Variants in CDON observed in about 807,000 individuals in gnomAD.
CDON encodes cell adhesion associated, oncogene regulated.
Under a neutral mutation model 120.9 loss-of-function variants are expected in CDON, and 73 were observed. The ratio of observed to expected loss-of-function variants is 0.60; its 90% CI spans 0.50 to 0.73. The LOEUF (loss-of-function observed/expected upper bound fraction) is 0.73, where lower values mean the gene tolerates loss of function less well. Ranked by LOEUF, CDON falls within the 30% of genes least tolerant of loss-of-function variation. The pLI is 0.00. For missense variants in CDON, 1,470 were observed against 1,587.3 expected, an observed-to-expected ratio of 0.93 and a Z score of 1.26; for synonymous variants, 566 against 573.5, an observed-to-expected ratio of 0.99 and a Z score of 0.19.
chr11:125,997,976 A>C (rs1946837572), intron 11 of CDON, among the ~76,000 whole-genome samples: 1 of 152,204 alleles, frequency 6.6e-6, no homozygotes, highest in South Asian at 2.1e-4. Context: ...TAAAGGGGAG[A>C]GAGAATGCTG....
chr11:126,035,691 T>C (rs1344334232), intron 1 of CDON, among the ~76,000 whole-genome samples: 1 of 152,186 alleles, frequency 6.6e-6, no homozygotes, highest in Non-Finnish European at 1.5e-5. Flanking sequence ...AATTGGCCTA[T>C]GTCAGGAAAA....
chr11:125,994,160 A>G, intron 14 of CDON, 124 bp downstream of exon 14: 1 of 696,512 alleles, frequency 1.4e-6, no homozygotes, highest in Non-Finnish European at 2.6e-6. Flanking sequence ...GACAAATTCA[A>G]CAGCAATAAC....
intron 15 of CDON, among the ~76,000 whole-genome samples, chr11:125,987,439 T>C (rs1309580660): frequency 6.6e-6 from 1 of 152,178 alleles, no homozygotes; most frequent in Non-Finnish European, 1.5e-5. Context: ...CCTACAGTCA[T>C]TTTTTAAAGG....
At chr11:126,022,174 A>C (rs57547788) in intron 2 of CDON, among the ~76,000 whole-genome samples, 41,097 of 150,746 alleles carry the variant, frequency 0.27, 6,020 homozygotes, top group African/African-American at 0.39. Flanking sequence ...ACTTGGAAGA[A>C]CTGGAAGTTA....
At chr11:125,994,224 T>A (rs764681002) in intron 14 of CDON, 60 bp downstream of exon 14, 3 of 860,636 alleles carry the variant, frequency 3.5e-6, no homozygotes, top group Non-Finnish European at 6.0e-6. Context: ...CATTTTATAT[T>A]CATAAACCTT....
chr11:125,976,103 C>T (rs75493263), intron 18 of CDON, among the ~76,000 whole-genome samples: 5,516 of 152,250 alleles, frequency 0.036, 297 homozygotes, highest in African/African-American at 0.12. Context: ...GAGTAAACCA[C>T]GTATCATCTA....
rs536448186 is a variant in CDON, at chr11:126,015,767, C to T, written c.929-257G>A. ...CCCACTTAACTCCCCACAACATACG[C>T]GAATACACACATATATACAAATAGT... On this transcript the variant is annotated intron_variant, in intron 6 of 19. Coordinates refer to ENST00000531738, the MANE Select transcript of CDON (RefSeq NM_001378964.1). Among the ~76,000 whole-genome samples the T allele has an allele frequency of 7.2e-5, 11 of 152,266 alleles. No homozygotes were observed. The South Asian group carries it at 1.9e-3, about 26-fold the overall frequency.
intron 1 of CDON, among the ~76,000 whole-genome samples, chr11:126,058,867 A>G (rs1948733987): frequency 6.6e-6 from 1 of 152,226 alleles, no homozygotes; most frequent in Non-Finnish European, 1.5e-5. Flanking sequence ...TGCTCCAAAG[A>G]TTTTACAGAA....
At chr11:125,964,838 G>C (rs1334927530) in intron 18 of CDON, among the ~76,000 whole-genome samples, 1 of 152,186 alleles carries the variant, frequency 6.6e-6, no homozygotes, top group East Asian at 1.9e-4. Flanking sequence ...TATGGAATTA[G>C]AGAGGAAGAA....
intron 2 of CDON, among the ~76,000 whole-genome samples, chr11:126,022,431 T>C (rs1947669886): frequency 6.6e-6 from 1 of 152,230 alleles, no homozygotes; most frequent in African/African-American, 2.4e-5. Flanking sequence ...ATTTGGGATT[T>C]GAAATGGTTT....
chr11:126,022,748 T>C (rs1947677190), intron 2 of CDON, among the ~76,000 whole-genome samples: 1 of 152,224 alleles, frequency 6.6e-6, no homozygotes, highest in African/African-American at 2.4e-5. Context: ...AATACAGCTA[T>C]ATAGTACTTT....
At chr11:126,036,719 C>CG (rs963121099) in intron 1 of CDON, among the ~76,000 whole-genome samples, 3 of 152,210 alleles carry the variant, frequency 2.0e-5, no homozygotes, top group Non-Finnish European at 4.4e-5. Context: ...GACAGGGTCT[C>CG]GCTCTGCTGC....
chr11:125,993,064 A>C (rs948198844), intron 14 of CDON, among the ~76,000 whole-genome samples: 3 of 152,196 alleles, frequency 2.0e-5, no homozygotes, highest in Admixed American at 2.0e-4. Context: ...GTTCTTTCTT[A>C]CGCTGCTTTC....
At position 125,960,319 on chromosome 11, in the gene CDON, G is replaced by C. The variant is rs1486373153; in HGVS notation, c.*623C>G. ...GAGTTCAAAACCAGCCTGAAACCTTGTCTCTAATAAAAATACAAGACAATT... is the reference window on the plus strand; with the variant it reads ...GAGTTCAAAACCAGCCTGAAACCTTCTCTCTAATAAAAATACAAGACAATT... On this transcript the variant is annotated 3_prime_UTR_variant, in exon 20 of 20. Coordinates refer to ENST00000531738, the MANE Select transcript of CDON (RefSeq NM_001378964.1). 2.0e-5 allele frequency: 3 copies of C among 153,182 alleles called. No homozygotes were observed. Among genetic ancestry groups the C allele is most frequent in the African/African-American group, 7.2e-5 (3 of 41,392 alleles). The allele number at this position is 153,182 out of a possible 1,614,324, so 9.5% of individuals were successfully genotyped here.
At chr11:126,010,840 C>T in intron 7 of CDON, 146 bp from the exon 8 acceptor site, 5 of 704,544 alleles carry the variant, frequency 7.1e-6, no homozygotes, top group East Asian at 2.8e-5. Flanking sequence ...TCAACTTTCA[C>T]CAAGTAAGAC....
At chr11:126,019,409 G>A (rs1033644678) in intron 4 of CDON, among the ~76,000 whole-genome samples, 4 of 152,164 alleles carry the variant, frequency 2.6e-5, no homozygotes, top group African/African-American at 7.2e-5. Flanking sequence ...CCAAGGAAGT[G>A]AAATCTGATG....
At chr11:126,027,262 C>A (rs1483096679) in intron 1 of CDON, among the ~76,000 whole-genome samples, 1 of 152,178 alleles carries the variant, frequency 6.6e-6, no homozygotes, top group Non-Finnish European at 1.5e-5. Flanking sequence ...GGTAGCTCGA[C>A]ATTAGAGTCA....
rs183512374 is a variant in CDON at position 126,023,928 on chromosome 11, G to A, written c.-61-391C>T. ...AACAAAATAATGGCTAACATTTACGGAGTGCTTACTATGTGCCAGACACCA... is the reference window on the plus strand; with the variant it reads ...AACAAAATAATGGCTAACATTTACGAAGTGCTTACTATGTGCCAGACACCA... On this transcript the variant is annotated intron_variant, in intron 1 of 19. Transcript: ENST00000531738. 2.0e-5 allele frequency among the ~76,000 whole-genome samples: 3 copies of A among 152,298 alleles called. No individual in the cohort carries two copies. The East Asian group carries it at 5.8e-4, about 29-fold the overall frequency.
intron 9 of CDON, among the ~76,000 whole-genome samples, chr11:126,005,167 T>C (rs1484089038): frequency 6.6e-6 from 1 of 152,108 alleles, no homozygotes; most frequent in Non-Finnish European, 1.5e-5. Context: ...CCAGGTGTGG[T>C]AGTGCATGCC....
Sources: gnomAD v4.1 joint callset for allele counts (sites outside exome capture counted in the v4.1 genomes callset) on GRCh38, gnomAD v4.1.1 for gene constraint, MANE v1.5 for transcripts, NCBI Gene and HGNC (gene_info 2026-07-23, HGNC 2026-07-21) for gene names.